The following DNA2 variants were observed in gnomAD, a reference collection of about 807,000 sequenced individuals.
DNA2 encodes the protein DNA replication helicase/nuclease 2.
In DNA2, 101 loss-of-function variants were observed where a neutral mutation model predicts 119.1. The observed-to-expected ratio is 0.85, with a 90% CI of 0.72 to 1.00. The LOEUF is 1.00. Ranked by LOEUF, DNA2 falls within the 50% of genes least tolerant of loss-of-function variation. The pLI, the probability that DNA2 is intolerant of heterozygous loss-of-function variation, is 0.00. For synonymous variants in DNA2, 366 were observed against 424.4 expected (o/e 0.86, Z 1.69); for missense variants, 1,121 against 1,255.5 (o/e 0.89, Z 1.62).
At chr10:68,422,970 G>A (rs2051686587) in intron 14 of DNA2, 80 bp from the exon 15 acceptor site, 16 of 1,093,460 alleles carry the variant, frequency 1.5e-5, no homozygotes, top group Non-Finnish European at 1.9e-5. Context: ...GAAATGAAAA[G>A]ATCAAAAGGT....
intron 3 of DNA2, among the ~76,000 whole-genome samples, chr10:68,467,284 T>C (rs1200027173): frequency 1.3e-5 from 2 of 152,078 alleles, no homozygotes; most frequent in Non-Finnish European, 2.9e-5. Context: ...CTAATTTTTG[T>C]GTATTTAGTA....
chr10:68,422,808 G>T lies in DNA2; in HGVS notation c.2291C>A (p.Ala764Asp). 6.2e-7 allele frequency: 1 copy of T among 1,611,192 alleles called. No homozygotes were observed. The highest frequency in any genetic ancestry group is 8.5e-7 in the Non-Finnish European group (1 of 1,179,298). The change falls in exon 15 of 21, where the codon GCC becomes GAC. Residue 764 changes from alanine (A) to aspartate (D), a missense_variant. Physicochemically the swap from Ala to Asp is moderately radical, Grantham distance 126. Transcript: ENST00000358410. ...KIFDFCIVDE[A>D]SQISQPICLG... ...ACAAATTGGTTGGCTAATTTGAGAG[G>T]CTTCATCCACAATACAAAAATCAAA...
intron 17 of DNA2, 49 bp from the exon 18 acceptor site, chr10:68,419,941 A>ACT: frequency 6.7e-7 from 1 of 1,496,964 alleles, no homozygotes; most frequent in Non-Finnish European, 9.3e-7. Context: ...TCTAAAGAGT[A>ACT]CTATAAGTAC....
At position 68,442,971 on chromosome 10, in the gene DNA2, G is replaced by T. The variant is rs773154182; in HGVS notation, c.1361C>A (p.Ser454Ter). 3.1e-6 allele frequency: 5 copies of T among 1,612,404 alleles called. No homozygotes were observed. Among genetic ancestry groups the T allele is most frequent in the Non-Finnish European group, 4.2e-6 (5 of 1,179,444 alleles). The change falls in exon 9 of 21, where the codon TCG becomes TAG. Residue 454 changes from serine (S) to a stop codon, truncating the protein, a stop_gained. Transcript: ENST00000358410. LOFTEE classifies it high-confidence loss of function. ...TTGGTGATTCTTTTTATTATCCTTC[G>T]ATTGTGACTCCAGGGTTAACATTAG... ...WCLMLTLESQ[S>*]KDNKKNHQNI...
At chr10:68,462,552 T>A (rs1009401229) in intron 4 of DNA2, among the ~76,000 whole-genome samples, 1 of 145,046 alleles carries the variant, frequency 6.9e-6, no homozygotes, top group Non-Finnish European at 1.5e-5. Flanking sequence ...ACTGCTGTTA[T>A]AAACTTACCC....
At chr10:68,456,100 T>C (rs775329147) in intron 5 of DNA2, among the ~76,000 whole-genome samples, 3 of 151,960 alleles carry the variant, frequency 2.0e-5, no homozygotes, top group African/African-American at 7.3e-5. Context: ...TGTGCACCTG[T>C]AGTCCCAGCT....
At chr10:68,452,085 T>C (rs2052126488) in intron 5 of DNA2, among the ~76,000 whole-genome samples, 1 of 152,156 alleles carries the variant, frequency 6.6e-6, no homozygotes, top group Admixed American at 6.6e-5. Context: ...AAATTTCTTT[T>C]TCTTTCTTTC....
chr10:68,427,969 G>A (rs576084991), intron 14 of DNA2, among the ~76,000 whole-genome samples: 1 of 149,986 alleles, frequency 6.7e-6, no homozygotes, highest in Admixed American at 6.7e-5. Flanking sequence ...GGAGGCAAAG[G>A]TTGCAGTGAG....
rs564713913 is a variant in DNA2, at chr10:68,429,391, G to A, written c.2208+1045C>T. On this transcript the variant is annotated intron_variant, in intron 14 of 20. Coordinates refer to ENST00000358410, the MANE Select transcript of DNA2 (RefSeq NM_001080449.3). ...GAAACCCTGTCTCTACTAAAAATAC[G>A]AAATTAGCAGGACGTGGTCAGGCAT... 4.2e-4 allele frequency among the ~76,000 whole-genome samples: 63 copies of A among 151,784 alleles called. No homozygotes were observed. In the South Asian group the frequency reaches 0.011, roughly 26 times the overall value.
At chr10:68,436,129 T>C (rs1005607633) in intron 10 of DNA2, among the ~76,000 whole-genome samples, 7 of 152,174 alleles carry the variant, frequency 4.6e-5, no homozygotes, top group African/African-American at 1.7e-4. Flanking sequence ...TCAATGTTCA[T>C]AGCAATATTA....
rs1315001628 is a variant in DNA2 at position 68,448,944 on chromosome 10, TGTGTGTGTGTGTGTGTGTGTGTGC to T, written c.939+1060_939+1083del. On this transcript the variant is annotated intron_variant, in intron 6 of 20. Transcript: ENST00000358410. ...TGCCACCACACCAGGTGTGTGTGTG[TGTGTGTGTGTGTGTGTGTGTGTGC>T]GTGTGTGTGTGTGTGTGTAGTAGTT... is the stretch of plus-strand genomic sequence containing the variant. 1.8e-4 allele frequency among the ~76,000 whole-genome samples: 24 copies of T among 133,144 alleles called. 2 individuals carry two copies. In the South Asian group the frequency reaches 4.4e-3, roughly 25 times the overall value. 87.3% of individuals were successfully genotyped at this position (133,144 alleles called of 152,430 possible). A position where few individuals can be genotyped will look rare whatever the true frequency, so the allele number is the denominator to read the frequency against.
chr10:68,459,252 A>C lies in DNA2; in HGVS notation c.588-17T>G. The stretch of plus-strand genomic sequence containing the variant: ...AAGCGGTACCTGCCAAAAATATAAT[A>C]GTAAATAGACTTAGACTTAAGCGGT... On this transcript the variant is annotated splice_polypyrimidine_tract_variant and intron_variant, in intron 4 of 20. Transcript: ENST00000358410. The C allele has an allele frequency of 2.0e-6, 3 of 1,531,906 alleles. No individual in the cohort carries two copies. The highest frequency in any genetic ancestry group is 2.6e-6 in the Non-Finnish European group (3 of 1,140,672). The allele number at this position is 1,531,906 out of a possible 1,614,324, so 94.9% of individuals were successfully genotyped here.
At position 68,414,904 on chromosome 10, in the gene DNA2, T is replaced by C. The variant is rs898916056; in HGVS notation, c.*135A>G. ...TGCATAGAACCCATAAATTCAGACT[T>C]TTCACAGTTTTCGGTACACCTGTGC... On this transcript the variant is annotated 3_prime_UTR_variant, in exon 21 of 21. Coordinates refer to ENST00000358410, the MANE Select transcript of DNA2 (RefSeq NM_001080449.3). 1 of 520,660 alleles carries C rather than the reference T, an allele frequency of 1.9e-6. No individual in the cohort carries two copies. The highest frequency in any genetic ancestry group is 3.3e-6 in the Non-Finnish European group (1 of 298,904). 32.3% of individuals were successfully genotyped at this position (520,660 alleles called of 1,614,324 possible).
At chr10:68,417,652 C>CAAAAAA (rs575627007) in intron 19 of DNA2, among the ~76,000 whole-genome samples, 3 of 113,554 alleles carry the variant, frequency 2.6e-5, no homozygotes, top group Non-Finnish European at 5.3e-5. Flanking sequence ...GATCTCATCT[C>CAAAAAA]AAAAAAAAAA....
At position 68,444,942 on chromosome 10, in the gene DNA2, C is replaced by T. The variant is rs771420777; in HGVS notation, c.1199G>A (p.Gly400Asp). 6.2e-6 allele frequency: 10 copies of T among 1,613,114 alleles called. No individual in the cohort carries two copies. Among genetic ancestry groups the T allele is most frequent in the Non-Finnish European group, 8.5e-6 (10 of 1,179,560 alleles). ...TTACCTGCTATAAAGAGCACAATTG[C>T]CAATTTGTGAACAATATTTACAAGT... Reference protein sequence around the residue: ...EKTCKYCSQIGNCALYSRAVE... With the variant: ...EKTCKYCSQIDNCALYSRAVE... The change falls in exon 8 of 21, where the codon GGC (glycine) becomes GAC (aspartate). Residue 400 changes from glycine (G) to aspartate (D), a missense_variant. Gly to Asp is a moderately conservative substitution (Grantham distance 94). Transcript: ENST00000358410.
intron 3 of DNA2, among the ~76,000 whole-genome samples, chr10:68,467,268 G>A (rs144811289): frequency 1.1e-4 from 16 of 151,892 alleles, no homozygotes; most frequent in Admixed American, 4.6e-4. Context: ...GCACCACAAC[G>A]CCCGGCTAAT....
intron 20 of DNA2, among the ~76,000 whole-genome samples, chr10:68,416,244 C>T (rs906814248): frequency 2.0e-5 from 3 of 152,142 alleles, no homozygotes; most frequent in Admixed American, 2.0e-4. Context: ...GCGAGTGAAT[C>T]ACTTGAGCCC....
chr10:68,443,233 CT>C (rs892977620), intron 8 of DNA2, 122 bp from the exon 9 acceptor site: 1 of 841,806 alleles, frequency 1.2e-6, no homozygotes, highest in Non-Finnish European at 1.8e-6. Flanking sequence ...ACCACAGCCC[CT>C]AATGTTCCTT....
At chr10:68,452,737 ATTTTTTTTTTTTT>A (rs35788452) in intron 5 of DNA2, among the ~76,000 whole-genome samples, 2 of 90,144 alleles carry the variant, frequency 2.2e-5, no homozygotes, top group Admixed American at 2.8e-4. Context: ...ACGCCCAGCT[ATTTTTTTTTTTTT>A]TTTTTTTTTT....
Sources: allele counts gnomAD v4.1 joint callset (sites outside exome capture counted in the v4.1 genomes callset), GRCh38; gene constraint gnomAD v4.1.1; transcripts MANE v1.5; gene names NCBI Gene and HGNC (gene_info 2026-07-23, HGNC 2026-07-21).